RSF1: variants seen among roughly 807,000 people sequenced by gnomAD.
RSF1 encodes remodeling and spacing factor 1.
Under a neutral mutation model 145.2 loss-of-function variants are expected in RSF1, and 13 were observed. The observed-to-expected ratio is 0.09, with a 90% CI of 0.06 to 0.14. RSF1 has a LOEUF of 0.14. Among genes scored for constraint, RSF1 ranks in the 10% least tolerant of loss-of-function variants. The pLI, the probability that RSF1 is intolerant of heterozygous loss-of-function variation, is 1.00. For synonymous variants in RSF1, 577 were observed against 592.6 expected, an observed-to-expected ratio of 0.97 and a Z score of 0.38; for missense variants, 1,517 against 1,718.2, an observed-to-expected ratio of 0.88 and a Z score of 2.07.
At chr11:77,686,002 C>T (rs532909979) in intron 9 of RSF1, among the ~76,000 whole-genome samples, 52 of 152,258 alleles carry the variant, frequency 3.4e-4, no homozygotes, top group African/African-American at 1.3e-3. Flanking sequence ...TAGCTCTGTG[C>T]TCTAGAAGGC....
intron 3 of RSF1, 74 bp downstream of exon 3, chr11:77,746,962 A>G (rs985513343): frequency 7.9e-6 from 7 of 887,712 alleles, no homozygotes; most frequent in Non-Finnish European, 1.1e-5. Context: ...CTTTTTGTTT[A>G]TTTTCCAATT....
intron 5 of RSF1, among the ~76,000 whole-genome samples, chr11:77,720,045 G>A (rs1179076739): frequency 3.3e-5 from 5 of 152,160 alleles, no homozygotes; most frequent in Non-Finnish European, 5.9e-5. Context: ...AAATGTTCTA[G>A]AATTAGTGGT....
chr11:77,727,420 A>C (rs776549965), intron 4 of RSF1, among the ~76,000 whole-genome samples: 5 of 152,070 alleles, frequency 3.3e-5, no homozygotes, highest in African/African-American at 4.8e-5. Context: ...AAAAGCTTCA[A>C]AACGTAAGAG....
rs113915983 is a variant in RSF1 at position 77,675,133 on chromosome 11, T to G, written c.3465A>C (p.Pro1155=). 6 of 1,614,048 alleles carry G rather than the reference T, an allele frequency of 3.7e-6. No homozygotes were observed. The African/African-American group carries it at 6.7e-5, about 18-fold the overall frequency. Residue 1155 remains proline (P), a synonymous_variant, in exon 14 of 16, where the codon CCA becomes CCC. Transcript: ENST00000308488. ...TTCGCAAACGCCTGCTCTGCCTCAT[T>G]GGCCGAGAGGGGTGTCGCCTCAGTC... ...SRRLRRHPSR[P]MRQSRRLRRK... is the part of the protein sequence containing the mutation.
At chr11:77,862,290 C>T in the RSF1 span, among the ~76,000 whole-genome samples, 3 of 152,208 alleles carry the variant, frequency 2.0e-5, no homozygotes, top group Non-Finnish European at 4.4e-5. Context: ...GATGGCACTT[C>T]TCTCATTTGG....
chr11:77,700,317 C>CTCCA (rs1358288779), intron 6 of RSF1, among the ~76,000 whole-genome samples: 1 of 132,378 alleles, frequency 7.6e-6, no homozygotes, highest in African/African-American at 2.9e-5. Context: ...TGCCATTGCA[C>CTCCA]TCCAGCCTGG....
At chr11:77,832,352 G>A in the RSF1 span, among the ~76,000 whole-genome samples, 13 of 149,654 alleles carry the variant, frequency 8.7e-5, no homozygotes, top group Admixed American at 5.3e-4. Context: ...TTGAGACGGC[G>A]TTTCGCTCTT....
chr11:77,836,735 G>A, the RSF1 span, among the ~76,000 whole-genome samples: 1 of 152,216 alleles, frequency 6.6e-6, no homozygotes, highest in Non-Finnish European at 1.5e-5. Flanking sequence ...GGAGGCCTAG[G>A]CGGGTGGATC....
rs534652312 is a variant in RSF1 at position 77,672,140 on chromosome 11, T to C, written c.3653A>G (p.Lys1218Arg). The C allele has an allele frequency of 1.9e-6, 3 of 1,614,104 alleles. No homozygotes were observed. Among genetic ancestry groups the C allele is most frequent in the South Asian group, 1.1e-5 (1 of 91,054 alleles). ...GGAACCGTCACTTTCTGAGTCTTCT[T>C]TGTAGTTAATTTGTCTTTTCTGATT... is the stretch of plus-strand genomic sequence containing the variant. The part of the protein sequence containing the change: ...RRNQKRQINY[K>R]EDSESDGSQK... The change falls in exon 15 of 16, where the codon AAA (lysine) becomes AGA (arginine). Residue 1218 changes from lysine (K) to arginine (R), a missense_variant. Physicochemically the swap from Lys to Arg is conservative, Grantham distance 26 (BLOSUM62 2). Transcript: ENST00000308488.
chr11:77,756,155 T>G (rs1948113511), intron 2 of RSF1, among the ~76,000 whole-genome samples: 1 of 151,888 alleles, frequency 6.6e-6, no homozygotes, highest in Non-Finnish European at 1.5e-5. Flanking sequence ...GTTGGGAGTT[T>G]GAGACCAGCC....
the RSF1 span, among the ~76,000 whole-genome samples, chr11:77,858,194 ATTT>A: frequency 0.015 from 1,909 of 130,788 alleles, 46 homozygotes; most frequent in African/African-American, 0.052. Flanking sequence ...AATATATATA[ATTT>A]TTTTTTTTTT....
chr11:77,869,571 C>A, the RSF1 span: 2 of 663,964 alleles, frequency 3.0e-6, no homozygotes, highest in Non-Finnish European at 2.6e-6. Context: ...GCCTCGTCAG[C>A]CTTCCTAAGT....
chr11:77,828,689 AAG>A, the RSF1 span, among the ~76,000 whole-genome samples: 2 of 152,016 alleles, frequency 1.3e-5, no homozygotes, highest in African/African-American at 4.8e-5. Flanking sequence ...AAAAAAAAGA[AAG>A]AAAATTATAA....
intron 5 of RSF1, among the ~76,000 whole-genome samples, chr11:77,723,498 T>TTTCCTA (rs1419644780): frequency 3.9e-5 from 6 of 152,150 alleles, no homozygotes; most frequent in Non-Finnish European, 7.4e-5. Context: ...AAGTAGTCTG[T>TTTCCTA]AAGTTTAATT....
At chr11:77,800,496 A>G (rs1948615794) in intron 1 of RSF1, among the ~76,000 whole-genome samples, 1 of 152,184 alleles carries the variant, frequency 6.6e-6, no homozygotes, top group African/African-American at 2.4e-5. Context: ...TGTCTCAAAA[A>G]AAAAGAAAAG....
chr11:77,777,088 A>C (rs1323514940), intron 1 of RSF1, among the ~76,000 whole-genome samples: 2 of 152,186 alleles, frequency 1.3e-5, no homozygotes, highest in Non-Finnish European at 2.9e-5. Context: ...ATTATAAATA[A>C]ATGAACAAGA....
intron 1 of RSF1, among the ~76,000 whole-genome samples, chr11:77,765,605 T>C (rs941542079): frequency 1.3e-5 from 2 of 152,176 alleles, no homozygotes; most frequent in Non-Finnish European, 2.9e-5. Flanking sequence ...TTCAAATATT[T>C]GAGGACTGCC....
intron 1 of RSF1, among the ~76,000 whole-genome samples, chr11:77,815,663 T>A (rs1004834851): frequency 4.6e-5 from 7 of 152,214 alleles, no homozygotes; most frequent in African/African-American, 1.7e-4. Context: ...AGTCTTTGAA[T>A]GATGTCATTA....
intron 1 of RSF1, among the ~76,000 whole-genome samples, chr11:77,790,649 T>C (rs938807991): frequency 2.6e-5 from 4 of 152,018 alleles, no homozygotes; most frequent in East Asian, 1.9e-4. Context: ...CTAGATACAA[T>C]GGGGGTGCAG....
Sources: allele counts gnomAD v4.1 joint callset (sites outside exome capture counted in the v4.1 genomes callset), GRCh38; gene constraint gnomAD v4.1.1; transcripts MANE v1.5; gene names NCBI Gene and HGNC (gene_info 2026-07-23, HGNC 2026-07-21).